Variants in PDE11A observed in about 807,000 individuals in gnomAD.
PDE11A encodes dual 3',5'-cyclic-AMP and -GMP phosphodiesterase 11A.
Under a neutral mutation model 100.5 loss-of-function variants are expected in PDE11A, and 100 were observed. The observed-to-expected ratio is 1.00, with a 90% CI of 0.85 to 1.18. The LOEUF is 1.18. PDE11A is among the 50% of genes most tolerant of loss of function. The probability of loss-of-function intolerance (pLI) is 0.00; values close to 1 mark genes in which losing one functional copy is unlikely to be tolerated. For synonymous variants in PDE11A, 381 were observed against 420.8 expected, an observed-to-expected ratio of 0.91 and a Z score of 1.16; for missense variants, 1,141 against 1,152.6, an observed-to-expected ratio of 0.99 and a Z score of 0.15.
chr2:177,743,772 G>C (rs914461898), intron 10 of PDE11A, among the ~76,000 whole-genome samples: 5 of 152,148 alleles, frequency 3.3e-5, no homozygotes, highest in African/African-American at 7.2e-5. Flanking sequence ...GGTAGGGAGT[G>C]GGGTAGAGTA....
At chr2:177,794,006 C>T (rs1404362149) in intron 9 of PDE11A, among the ~76,000 whole-genome samples, 1 of 152,076 alleles carries the variant, frequency 6.6e-6, no homozygotes, top group Admixed American at 6.6e-5. Flanking sequence ...GCTAGGGATA[C>T]ATCAGTCAAA....
intron 2 of PDE11A, among the ~76,000 whole-genome samples, chr2:177,927,417 G>A (rs1235844221): frequency 6.6e-6 from 1 of 152,180 alleles, no homozygotes; most frequent in Non-Finnish European, 1.5e-5. Flanking sequence ...GAAATGTGAA[G>A]AGGAAAGACA....
At chr2:178,090,119 T>G (rs1489170518) in intron 2 of PDE11A, among the ~76,000 whole-genome samples, 1 of 152,192 alleles carries the variant, frequency 6.6e-6, no homozygotes, top group Non-Finnish European at 1.5e-5. Context: ...CAGCCCTAAC[T>G]GAGGACTATA....
At chr2:177,768,312 C>G (rs1423419258) in intron 10 of PDE11A, among the ~76,000 whole-genome samples, 1 of 151,990 alleles carries the variant, frequency 6.6e-6, no homozygotes, top group Non-Finnish European at 1.5e-5. Flanking sequence ...TTTTGTCATT[C>G]AAGTGCTCAG....
intron 9 of PDE11A, among the ~76,000 whole-genome samples, chr2:177,799,351 A>G (rs1004969273): frequency 3.3e-5 from 5 of 152,212 alleles, no homozygotes; most frequent in African/African-American, 9.6e-5. Flanking sequence ...TGGTTCATTA[A>G]TTATAACAAA....
At chr2:177,942,406 AT>A (rs34568974) in intron 2 of PDE11A, among the ~76,000 whole-genome samples, 4 of 136,866 alleles carry the variant, frequency 2.9e-5, no homozygotes, top group Admixed American at 7.0e-5. Context: ...TTTTAAAATT[AT>A]TTTTTTTTTT....
intron 19 of PDE11A, among the ~76,000 whole-genome samples, chr2:177,661,281 A>ACACTT (rs2080482300): frequency 6.6e-6 from 1 of 152,198 alleles, no homozygotes; most frequent in South Asian, 2.1e-4. Flanking sequence ...TGCCACCTGC[A>ACACTT]CACTTCCCAC....
intron 13 of PDE11A, among the ~76,000 whole-genome samples, chr2:177,703,978 C>A (rs760329125): frequency 2.0e-5 from 3 of 152,206 alleles, no homozygotes; most frequent in Non-Finnish European, 4.4e-5. Context: ...CCTCTTTGTT[C>A]TCTTTTGTAA....
At chr2:177,777,450 T>C (rs919651700) in intron 9 of PDE11A, among the ~76,000 whole-genome samples, 1 of 152,214 alleles carries the variant, frequency 6.6e-6, no homozygotes. Flanking sequence ...GCTCAGATAA[T>C]GACTAAAAAT....
At chr2:177,882,337 T>G (rs1287464883) in intron 4 of PDE11A, among the ~76,000 whole-genome samples, 3 of 152,212 alleles carry the variant, frequency 2.0e-5, no homozygotes, top group Non-Finnish European at 2.9e-5. Flanking sequence ...GGCTTAAATA[T>G]TTGGATATAA....
At chr2:177,918,673 T>C (rs1433198124) in intron 2 of PDE11A, among the ~76,000 whole-genome samples, 1 of 152,182 alleles carries the variant, frequency 6.6e-6, no homozygotes, top group Non-Finnish European at 1.5e-5. Flanking sequence ...AAAAGAACTA[T>C]AATAGACATT....
At chr2:177,957,442 C>G (rs145232375) in intron 2 of PDE11A, among the ~76,000 whole-genome samples, 2 of 152,306 alleles carry the variant, frequency 1.3e-5, no homozygotes, top group African/African-American at 4.8e-5. Flanking sequence ...CAAAAAACTT[C>G]CCCTGGGTAA....
At chr2:177,891,842 T>A (rs2084534262) in intron 4 of PDE11A, among the ~76,000 whole-genome samples, 3 of 152,254 alleles carry the variant, frequency 2.0e-5, no homozygotes. Flanking sequence ...ACTGTGTGAC[T>A]TGCAAACCCT....
At chr2:178,077,164 C>T (rs927174641), upstream of PDE11A, among the ~76,000 whole-genome samples, 1 of 152,036 alleles carries the variant, frequency 6.6e-6, no homozygotes, top group Non-Finnish European at 1.5e-5. Flanking sequence ...CATGAATACT[C>T]ACAGGTGTGG....
intron 18 of PDE11A, among the ~76,000 whole-genome samples, chr2:177,668,898 G>A (rs893165994): frequency 4.5e-4 from 69 of 152,298 alleles, no homozygotes; most frequent in African/African-American, 1.5e-3. Flanking sequence ...GGTGGTGACT[G>A]ACGCAGTTAT....
intron 1 of PDE11A, among the ~76,000 whole-genome samples, chr2:178,031,288 C>A (rs973602351): frequency 6.6e-6 from 1 of 152,062 alleles, no homozygotes; most frequent in African/African-American, 2.4e-5. Context: ...ACAAAGAGAC[C>A]TGTTATAATC....
chr2:177,876,028 A>T, intron 4 of PDE11A, 105 bp from the exon 5 acceptor site: 3 of 760,556 alleles, frequency 3.9e-6, no homozygotes, highest in South Asian at 2.9e-5. Flanking sequence ...ATACTTGGAG[A>T]TTATAGAGAG....
At chr2:177,979,077 TAAAAAAA>T (rs72020976) in intron 2 of PDE11A, among the ~76,000 whole-genome samples, 10 of 113,032 alleles carry the variant, frequency 8.8e-5, no homozygotes, top group Non-Finnish European at 1.4e-4. Flanking sequence ...TAGAGTATAA[TAAAAAAA>T]AAAAAAAAAA....
chr2:177,856,456 C>T (rs544686910), intron 5 of PDE11A, among the ~76,000 whole-genome samples: 1 of 151,908 alleles, frequency 6.6e-6, no homozygotes, highest in African/African-American at 2.4e-5. Context: ...CCTGAGTAAA[C>T]CAAGATGTTG....
Sources: gnomAD v4.1 joint callset for allele counts (sites outside exome capture counted in the v4.1 genomes callset) on GRCh38, gnomAD v4.1.1 for gene constraint, MANE v1.5 for transcripts, NCBI Gene and HGNC (gene_info 2026-07-23, HGNC 2026-07-21) for gene names.